The following BRF1 variants were observed in gnomAD, a reference collection of about 807,000 sequenced individuals.
BRF1 encodes BRF1 general transcription factor IIIB subunit, also known as transcription factor IIIB 90 kDa subunit.
In BRF1, 59 loss-of-function variants were observed where a neutral mutation model predicts 81.7. The observed-to-expected ratio is 0.72, with a 90% confidence interval of 0.59 to 0.90. The LOEUF is 0.90. Among genes scored for constraint, BRF1 ranks in the 40% least tolerant of loss-of-function variants. The pLI is 0.00. For synonymous variants in BRF1, 491 were observed against 395.6 expected (o/e 1.24, Z -2.86); for missense variants, 1,050 against 936.3 (o/e 1.12, Z -1.58).
chr14:105,261,922 A>G (rs951468154), intron 3 of BRF1, among the ~76,000 whole-genome samples: 1 of 151,740 alleles, frequency 6.6e-6, no homozygotes, highest in Non-Finnish European at 1.5e-5. Flanking sequence ...ACCCAGTGCC[A>G]CTCCCCTTCT....
Position 105,296,569 on chromosome 14 carries a change from T to C in BRF1, c.184+3877A>G, listed in dbSNP as rs2057754467. Among the ~76,000 whole-genome samples the C allele has an allele frequency of 2.0e-5, 3 of 149,388 alleles. No individual in the cohort carries two copies. The South Asian group carries it at 6.3e-4, about 31-fold the overall frequency. On this transcript the variant is annotated intron_variant, in intron 1 of 17. Coordinates refer to ENST00000547530, the MANE Select transcript of BRF1 (RefSeq NM_001519.4). ...GGTGGCGGGTGCCTGTGATCCCAGC[T>C]ACTTGGGAGGCTGAGGCAGGAGAAT...
rs374522314 is a variant in BRF1 at position 105,221,877 on chromosome 14, C to A, written c.1086G>T (p.Glu362Asp). 3 of 1,601,366 alleles carry A rather than the reference C, an allele frequency of 1.9e-6. No individual in the cohort carries two copies. Among genetic ancestry groups the A allele is most frequent in the Non-Finnish European group, 2.6e-6 (3 of 1,174,418 alleles). The change falls in exon 11 of 18, where the codon GAG (glutamate) becomes GAT (aspartate). Residue 362 changes from glutamate (E) to aspartate (D), a missense_variant. Transcript: ENST00000547530. ...TEDTASSLCG[E>D]EDTEDEELEA... Reference sequence around the variant, plus strand: ...CCAGCTCCTCGTCCTCTGTGTCCTCCTCGCCACACAAGCTGGACGCGGTGT... The same window carrying A: ...CCAGCTCCTCGTCCTCTGTGTCCTCATCGCCACACAAGCTGGACGCGGTGT...
chr14:105,229,822 G>A (rs373268059), intron 6 of BRF1, among the ~76,000 whole-genome samples: 30 of 1,208 alleles, frequency 0.025, 2 homozygotes, highest in African/African-American at 0.038. Flanking sequence ...CCACACCACT[G>A]TCCGCGTAGT....
chr14:105,262,350 C>T (rs1328481070), intron 3 of BRF1, among the ~76,000 whole-genome samples: 1 of 152,188 alleles, frequency 6.6e-6, no homozygotes, highest in African/African-American at 2.4e-5. Flanking sequence ...CTGGGAGTCC[C>T]TGAATGACTG....
chr14:105,280,238 G>C (rs1176577214), intron 2 of BRF1, among the ~76,000 whole-genome samples: 1 of 152,262 alleles, frequency 6.6e-6, no homozygotes, highest in Non-Finnish European at 1.5e-5. Context: ...GCTGTGCAGA[G>C]ACCTGGAGGA....
At chr14:105,265,844 T>C (rs2056386858) in intron 3 of BRF1, among the ~76,000 whole-genome samples, 1 of 143,972 alleles carries the variant, frequency 6.9e-6, no homozygotes, top group Non-Finnish European at 1.5e-5. Flanking sequence ...GAGCTTGTAG[T>C]GAGCTGAGAT....
chr14:105,289,950 G>A (rs1436381987), intron 1 of BRF1, among the ~76,000 whole-genome samples: 3 of 152,060 alleles, frequency 2.0e-5, no homozygotes, highest in Admixed American at 6.6e-5. Context: ...TTTTCTAAGC[G>A]TTCGAATTAA....
chr14:105,221,751 T>C lies in BRF1; in HGVS notation c.1212A>G (p.Arg404=). 6.2e-7 allele frequency: 1 copy of C among 1,609,950 alleles called. No homozygotes were observed. The highest frequency in any genetic ancestry group is 8.5e-7 in the Non-Finnish European group (1 of 1,179,244). The change falls in exon 11 of 18, where the codon AGA becomes AGG. Residue 404 remains arginine (R), a synonymous_variant. Coordinates refer to ENST00000547530, the MANE Select transcript of BRF1 (RefSeq NM_001519.4). ...CCAGCAGGGACCCCAGGGCCGGAGG[T>C]CTGCCGCCCCACTCGGGGCTTCCTG... ...EAAGSPEWGG[R]PPALGSLLDP...
chr14:105,218,960 C>T (rs749412300), intron 14 of BRF1, 38 bp downstream of exon 14: 5 of 1,613,198 alleles, frequency 3.1e-6, no homozygotes, highest in Non-Finnish European at 4.2e-6. Context: ...AACCTGGACA[C>T]CCCCAAGAAG....
intron 2 of BRF1, among the ~76,000 whole-genome samples, chr14:105,278,317 G>A (rs1302126329): frequency 6.6e-6 from 1 of 151,872 alleles, no homozygotes; most frequent in East Asian, 1.9e-4. Context: ...GGTGGTGCAA[G>A]CCTGTAGGCC....
At chr14:105,225,981 TC>T in intron 10 of BRF1, 87 bp downstream of exon 10, 10 of 1,309,832 alleles carry the variant, frequency 7.6e-6, no homozygotes, top group Non-Finnish European at 1.1e-5. Flanking sequence ...CCCTTCCCTT[TC>T]CAGGTCTTTT....
At position 105,256,531 on chromosome 14, in the gene BRF1, C is replaced by G. The variant is rs765614268; in HGVS notation, c.458G>C (p.Ser153Thr). 6.2e-7 allele frequency: 1 copy of G among 1,613,960 alleles called. No individual in the cohort carries two copies. Among genetic ancestry groups the G allele is most frequent in the African/African-American group, 1.3e-5 (1 of 74,928 alleles). The change falls in exon 4 of 18, where the codon AGC (serine) becomes ACC (threonine). Residue 153 changes from serine (S) to threonine (T), a missense_variant. Coordinates refer to ENST00000547530, the MANE Select transcript of BRF1 (RefSeq NM_001519.4). ...GAGGCTGTCTACCTGGAGCAGGTCGCTGAGGTCCAGGAGCATGTCTGCAGC... is the reference window on the plus strand; with the variant it reads ...GAGGCTGTCTACCTGGAGCAGGTCGGTGAGGTCCAGGAGCATGTCTGCAGC... ...EGTPHMLLDLSDLLQVNVYVL... is the reference protein window; with the variant it reads ...EGTPHMLLDLTDLLQVNVYVL...
Position 105,221,879 on chromosome 14 carries a change from C to G in BRF1, c.1084G>C (p.Glu362Gln). The G allele has an allele frequency of 6.2e-7, 1 of 1,600,766 alleles. No homozygotes were observed. Among genetic ancestry groups the G allele is most frequent in the Non-Finnish European group, 8.5e-7 (1 of 1,174,138 alleles). Residue 362 changes from glutamate to glutamine, a missense_variant, in exon 11 of 18, where the codon GAG becomes CAG. This residue lies in a region of BRF1 where 1,043 missense variants were observed against 915.4 expected (regional missense o/e 1.14). Transcript: ENST00000547530. Reference sequence around the variant, plus strand: ...AGCTCCTCGTCCTCTGTGTCCTCCTCGCCACACAAGCTGGACGCGGTGTCC... The same window carrying G: ...AGCTCCTCGTCCTCTGTGTCCTCCTGGCCACACAAGCTGGACGCGGTGTCC... The part of the protein sequence containing the change: ...TEDTASSLCG[E>Q]EDTEDEELEA...
chr14:105,228,735 G>A (rs772541209), intron 7 of BRF1, 85 bp downstream of exon 7: 12 of 1,477,128 alleles, frequency 8.1e-6, no homozygotes, highest in African/African-American at 4.2e-5. Context: ...GGTCCCGGGA[G>A]GTGGCGCCTG....
intron 16 of BRF1, chr14:105,211,646 C>G (rs11620834): frequency 0.015 from 5,464 of 361,458 alleles, 73 homozygotes; most frequent in Non-Finnish European, 0.018. Flanking sequence ...CTGCCCTGAC[C>G]CCCAGAACAC....
intron 5 of BRF1, among the ~76,000 whole-genome samples, chr14:105,242,889 G>A (rs189799867): frequency 3.3e-5 from 5 of 152,320 alleles, no homozygotes; most frequent in Non-Finnish European, 4.4e-5. Context: ...ATTAGGGCGG[G>A]TGGATGACCT....
intron 3 of BRF1, among the ~76,000 whole-genome samples, chr14:105,268,812 C>T (rs937708015): frequency 1.3e-5 from 2 of 152,206 alleles, no homozygotes; most frequent in Non-Finnish European, 2.9e-5. Flanking sequence ...CTGTTGCGCC[C>T]TGGCTAAAGG....
At chr14:105,226,331 C>G in intron 8 of BRF1, 41 bp from the exon 9 acceptor site, 1 of 1,613,544 alleles carries the variant, frequency 6.2e-7, no homozygotes, top group South Asian at 1.1e-5. Flanking sequence ...AAGGGAGGCC[C>G]TGGTGCACAG....
intron 1 of BRF1, among the ~76,000 whole-genome samples, chr14:105,288,325 G>A (rs1328502426): frequency 6.6e-6 from 1 of 151,982 alleles, no homozygotes; most frequent in African/African-American, 2.4e-5. Context: ...GGTGGCGGGT[G>A]CCTGTGATCC....
Sources: allele counts gnomAD v4.1 joint callset (sites outside exome capture counted in the v4.1 genomes callset), GRCh38; gene constraint gnomAD v4.1.1; regional missense constraint gnomAD v4.1.1; transcripts MANE v1.5; gene names NCBI Gene and HGNC (gene_info 2026-07-23, HGNC 2026-07-21).